EBF2: variants seen among roughly 807,000 people sequenced by gnomAD.
EBF2 encodes the protein EBF transcription factor 2, also known as transcription factor COE2.
EBF2 carries 21 observed loss-of-function variants against 72.8 expected under a neutral mutation model. The observed-to-expected ratio is 0.29, with a 90% CI of 0.20 to 0.42. The LOEUF is 0.42. EBF2 is among the 10% of genes least tolerant of loss of function. The pLI, the probability that EBF2 is intolerant of heterozygous loss-of-function variation, is 1.00. For synonymous variants in EBF2, 299 were observed against 274.2 expected, an observed-to-expected ratio of 1.09 and a Z score of -0.89; for missense variants, 637 against 731.2, an observed-to-expected ratio of 0.87 and a Z score of 1.49.
intron 5 of EBF2, among the ~76,000 whole-genome samples, chr8:26,039,682 G>A (rs141981712): frequency 2.6e-5 from 4 of 152,304 alleles, no homozygotes; most frequent in East Asian, 3.9e-4. Flanking sequence ...ACCACAAGAG[G>A]CCCGGCGGGA....
At chr8:26,042,287 G>C (rs552166418) in intron 1 of EBF2, 36 bp from the exon 2 acceptor site, 1 of 1,589,050 alleles carries the variant, frequency 6.3e-7, no homozygotes. Context: ...CACAAGACAC[G>C]GGGAAGCACA....
At chr8:25,900,781 A>G (rs985544052) in intron 7 of EBF2, among the ~76,000 whole-genome samples, 4 of 150,216 alleles carry the variant, frequency 2.7e-5, no homozygotes, top group African/African-American at 7.3e-5. Flanking sequence ...AACTTAAAGT[A>G]TAATAATAAT....
intron 6 of EBF2, among the ~76,000 whole-genome samples, chr8:25,996,342 A>G (rs1488947837): frequency 6.6e-6 from 1 of 152,040 alleles, no homozygotes; most frequent in African/African-American, 2.4e-5. Context: ...TGTGAAAAAC[A>G]TTAATGAAAT....
At chr8:26,032,572 A>G (rs1805427881) in intron 6 of EBF2, 1 of 152,356 alleles carries the variant, frequency 6.6e-6, no homozygotes, top group Non-Finnish European at 1.5e-5. Flanking sequence ...GTCCCAAAGA[A>G]TCTTTCCCAT....
At chr8:25,956,190 G>A (rs1470390326) in intron 6 of EBF2, among the ~76,000 whole-genome samples, 6 of 152,054 alleles carry the variant, frequency 3.9e-5, no homozygotes, top group African/African-American at 7.2e-5. Context: ...AGGCTGAGGC[G>A]GGCAGATCAC....
At chr8:25,883,150 T>A (rs1319064155) in intron 10 of EBF2, among the ~76,000 whole-genome samples, 3 of 152,236 alleles carry the variant, frequency 2.0e-5, no homozygotes, top group Non-Finnish European at 4.4e-5. Flanking sequence ...TATTTGAATT[T>A]ACATGTAACA....
intron 6 of EBF2, among the ~76,000 whole-genome samples, chr8:25,994,831 C>T (rs1804598571): frequency 6.6e-6 from 1 of 152,152 alleles, no homozygotes; most frequent in Non-Finnish European, 1.5e-5. Context: ...GTGCTATGTT[C>T]ACTACCTGGA....
At position 25,862,379 on chromosome 8, in the gene EBF2, A is replaced by C. The variant is rs1802226538; in HGVS notation, c.1098+330T>G. Among the ~76,000 whole-genome samples the C allele has an allele frequency of 2.0e-5, 3 of 152,218 alleles. No homozygotes were observed. The South Asian group carries it at 6.2e-4, about 32-fold the overall frequency. On this transcript the variant is annotated intron_variant, in intron 11 of 15. Transcript: ENST00000520164. ...TAATGAGTCCTTGCAATTATGGTTA[A>C]ATAGAAACATTTAAATACAAAGGAG...
At chr8:26,033,973 G>T (rs997780852) in intron 5 of EBF2, among the ~76,000 whole-genome samples, 4 of 152,150 alleles carry the variant, frequency 2.6e-5, no homozygotes, top group East Asian at 1.9e-4. Flanking sequence ...ACCACGGAAG[G>T]TTGGATATTA....
chr8:25,971,757 T>A (rs1804193663), intron 6 of EBF2, among the ~76,000 whole-genome samples: 2 of 152,144 alleles, frequency 1.3e-5, no homozygotes, highest in Non-Finnish European at 2.9e-5. Flanking sequence ...GAGCTAAGCC[T>A]GCTGTATTAT....
intron 7 of EBF2, among the ~76,000 whole-genome samples, chr8:25,895,189 G>A (rs7827589): frequency 0.071 from 10,825 of 152,222 alleles, 1,322 homozygotes; most frequent in African/African-American, 0.25. Flanking sequence ...ACTAAGTCAT[G>A]GTAAATGACA....
At chr8:25,857,067 G>C (rs1585260712) in intron 14 of EBF2, among the ~76,000 whole-genome samples, 1 of 152,026 alleles carries the variant, frequency 6.6e-6, no homozygotes. Context: ...GGGGGAATTT[G>C]TTTCTACCTA....
chr8:25,906,299 T>C (rs7812520), intron 7 of EBF2, among the ~76,000 whole-genome samples: 82,152 of 152,022 alleles, frequency 0.54, 22,663 homozygotes, highest in East Asian at 0.84. Context: ...CTTCTAGAAA[T>C]AAAGCTAAGC....
chr8:26,020,367 G>A (rs1480858524), intron 6 of EBF2, among the ~76,000 whole-genome samples: 4 of 152,152 alleles, frequency 2.6e-5, no homozygotes, highest in Non-Finnish European at 4.4e-5. Context: ...CTCAATGGAC[G>A]CCACTTGAAG....
chr8:25,889,637 C>CAAAA (rs1563390045), intron 8 of EBF2, 115 bp downstream of exon 8: 14 of 789,826 alleles, frequency 1.8e-5, no homozygotes, highest in Admixed American at 4.9e-5. Flanking sequence ...AAAAAAAACC[C>CAAAA]ACATTGTTCT....
At chr8:25,849,719 C>G (rs959258761) in intron 15 of EBF2, among the ~76,000 whole-genome samples, 1 of 152,090 alleles carries the variant, frequency 6.6e-6, no homozygotes, top group Admixed American at 6.6e-5. Context: ...TATGTCATGC[C>G]ATATTATATT....
chr8:25,961,346 C>A (rs1804030801), intron 6 of EBF2, among the ~76,000 whole-genome samples: 1 of 152,154 alleles, frequency 6.6e-6, no homozygotes, highest in South Asian at 2.1e-4. Flanking sequence ...ACCAATCTCA[C>A]TCACTTCAAA....
chr8:25,975,397 A>G (rs1804253012), intron 6 of EBF2, among the ~76,000 whole-genome samples: 1 of 152,222 alleles, frequency 6.6e-6, no homozygotes, highest in Non-Finnish European at 1.5e-5. Context: ...CACTGAAAGC[A>G]ATATCAGATT....
intron 6 of EBF2, among the ~76,000 whole-genome samples, chr8:26,000,319 T>C (rs958126049): frequency 6.6e-6 from 1 of 152,196 alleles, no homozygotes; most frequent in Non-Finnish European, 1.5e-5. Context: ...TCAATATCGC[T>C]AAGTGGCCTT....
Sources: allele counts gnomAD v4.1 joint callset (sites outside exome capture counted in the v4.1 genomes callset), GRCh38; gene constraint gnomAD v4.1.1; transcripts MANE v1.5; gene names NCBI Gene and HGNC (gene_info 2026-07-23, HGNC 2026-07-21).